Variants in SLC35F1 observed in about 807,000 individuals in gnomAD.
SLC35F1 encodes solute carrier family 35 member F1.
In SLC35F1, 14 loss-of-function variants were observed where a neutral mutation model predicts 48.7. That is an observed-to-expected ratio of 0.29 (90% CI 0.19 to 0.45). The LOEUF is 0.45. Among genes scored for constraint, SLC35F1 ranks in the 20% least tolerant of loss-of-function variants. The pLI, the probability that SLC35F1 is intolerant of heterozygous loss-of-function variation, is 1.00. For missense variants in SLC35F1, 404 were observed against 500.0 expected (o/e 0.81, Z 1.83); for synonymous variants, 190 against 202.2 (o/e 0.94, Z 0.51).
Position 117,907,587 on chromosome 6 carries a change from C to T in SLC35F1, c.-140C>T, listed in dbSNP as rs1225616498. On this transcript the variant is annotated 5_prime_UTR_variant, in exon 1 of 8. Transcript: ENST00000360388. ...GCGGCCGTAGCCGCGGGTGCCTCCC[C>T]GCCTCACCGCTTCGCAGGCAGCACC... The T allele has an allele frequency of 6.7e-5, 30 of 447,610 alleles. 1 individual carries two copies. In the East Asian group the frequency reaches 7.8e-4, roughly 12 times the overall value. The allele number at this position is 447,610 out of a possible 1,614,324, so 27.7% of individuals were successfully genotyped here. A position where few individuals can be genotyped will look rare whatever the true frequency, so the allele number is the denominator to read the frequency against.
chr6:118,302,926 A>C (rs1481109979), intron 7 of SLC35F1, among the ~76,000 whole-genome samples: 2 of 151,648 alleles, frequency 1.3e-5, no homozygotes, highest in African/African-American at 4.8e-5. Context: ...TGAATATTGA[A>C]GGCTATTTGC....
Position 117,925,908 on chromosome 6 carries a change from G to T in SLC35F1, c.173+18009G>T, listed in dbSNP as rs570691265. The stretch of plus-strand genomic sequence containing the variant: ...AGGAGCTTGAAGTACTGGGTGAAAG[G>T]CCCCCACTCCATGTCATCATCCATT... On this transcript the variant is annotated intron_variant, in intron 1 of 7. Coordinates refer to ENST00000360388, the MANE Select transcript of SLC35F1 (RefSeq NM_001029858.4). 2.0e-5 allele frequency among the ~76,000 whole-genome samples: 3 copies of T among 152,196 alleles called. No individual in the cohort carries two copies. The East Asian group carries it at 5.8e-4, about 29-fold the overall frequency.
At chr6:118,147,246 C>T (rs79547626) in intron 1 of SLC35F1, among the ~76,000 whole-genome samples, 2,750 of 152,248 alleles carry the variant, frequency 0.018, 102 homozygotes, top group African/African-American at 0.063. Flanking sequence ...TTCCCCTGCA[C>T]GTTCCAGTTG....
At chr6:118,021,797 G>A (rs150338472) in intron 1 of SLC35F1, among the ~76,000 whole-genome samples, 3 of 152,272 alleles carry the variant, frequency 2.0e-5, no homozygotes, top group African/African-American at 4.8e-5. Flanking sequence ...GGTCTCACAG[G>A]GGGCCACTCG....
At chr6:118,234,020 G>A (rs1775330884) in intron 2 of SLC35F1, among the ~76,000 whole-genome samples, 2 of 152,148 alleles carry the variant, frequency 1.3e-5, no homozygotes, top group African/African-American at 4.8e-5. Context: ...TCATAGGGTT[G>A]GAAAGACCAC....
chr6:117,999,070 T>C, intron 1 of SLC35F1: 1 of 1,530,844 alleles, frequency 6.5e-7, no homozygotes, highest in Non-Finnish European at 9.0e-7. Flanking sequence ...ACGAATCTCT[T>C]AAGGGGGTGG....
At chr6:117,936,746 C>T (rs1213788786) in intron 1 of SLC35F1, among the ~76,000 whole-genome samples, 1 of 151,688 alleles carries the variant, frequency 6.6e-6, no homozygotes, top group Non-Finnish European at 1.5e-5. Flanking sequence ...AATTACAGTT[C>T]TTTTAAAAAA....
At chr6:118,171,306 C>T (rs1415266756) in intron 2 of SLC35F1, among the ~76,000 whole-genome samples, 1 of 152,168 alleles carries the variant, frequency 6.6e-6, no homozygotes, top group East Asian at 1.9e-4. Flanking sequence ...GCTGGGATTG[C>T]AGGTGTGAGC....
At chr6:118,108,000 C>G (rs940993479) in intron 1 of SLC35F1, among the ~76,000 whole-genome samples, 2 of 152,058 alleles carry the variant, frequency 1.3e-5, no homozygotes, top group Admixed American at 6.6e-5. Flanking sequence ...AGATCCTACT[C>G]AGAGGTGCCA....
chr6:118,227,563 C>G (rs952588101), intron 2 of SLC35F1, among the ~76,000 whole-genome samples: 4 of 152,110 alleles, frequency 2.6e-5, no homozygotes, highest in Non-Finnish European at 5.9e-5. Flanking sequence ...AATACCAGAA[C>G]CTTATGCAAT....
rs569787626 is a variant in SLC35F1, at chr6:118,049,650, C to G, written c.174-104795C>G. Among the ~76,000 whole-genome samples the G allele has an allele frequency of 3.1e-3, 477 of 151,818 alleles. 1 individual carries two copies. Among genetic ancestry groups the G allele is most frequent in the African/African-American group, 0.011 (447 of 41,288 alleles). ...CACTGGCCATCAGAGAAATGCAAAT[C>G]AAAACCACAATGAGACACCATCTCA... is the stretch of plus-strand genomic sequence containing the variant. On this transcript the variant is annotated intron_variant, in intron 1 of 7. Coordinates refer to ENST00000360388, the MANE Select transcript of SLC35F1 (RefSeq NM_001029858.4).
At chr6:118,112,779 A>C (rs1773426887) in intron 1 of SLC35F1, among the ~76,000 whole-genome samples, 1 of 152,186 alleles carries the variant, frequency 6.6e-6, no homozygotes, top group African/African-American at 2.4e-5. Flanking sequence ...AAAACCGAAG[A>C]AGCCAGAAAA....
chr6:118,166,614 A>G (rs1232838127), intron 2 of SLC35F1, among the ~76,000 whole-genome samples: 3 of 152,188 alleles, frequency 2.0e-5, no homozygotes, highest in Non-Finnish European at 4.4e-5. Flanking sequence ...TTGGTAAGTA[A>G]CTTCTTTTCA....
intron 1 of SLC35F1, among the ~76,000 whole-genome samples, chr6:118,050,200 C>A (rs927389066): frequency 2.0e-5 from 3 of 151,810 alleles, no homozygotes; most frequent in African/African-American, 4.8e-5. Flanking sequence ...GAACATCACA[C>A]TCCAGGGACT....
chr6:117,942,650 A>G (rs1008369999), intron 1 of SLC35F1, among the ~76,000 whole-genome samples: 2 of 152,188 alleles, frequency 1.3e-5, no homozygotes, highest in African/African-American at 4.8e-5. Flanking sequence ...CTGTTATTGA[A>G]ATTGCTGTTT....
At chr6:117,930,973 C>T (rs1015593078) in intron 1 of SLC35F1, among the ~76,000 whole-genome samples, 2 of 152,186 alleles carry the variant, frequency 1.3e-5, no homozygotes, top group African/African-American at 4.8e-5. Context: ...GAGTCCTTTA[C>T]CTTTTACCCT....
chr6:118,268,662 T>G (rs1310095060), intron 4 of SLC35F1, among the ~76,000 whole-genome samples: 2 of 139,206 alleles, frequency 1.4e-5, no homozygotes, highest in African/African-American at 5.4e-5. Flanking sequence ...CAGGCTGGAG[T>G]GCAGTGGCGT....
At chr6:118,122,318 G>A (rs1012974315) in intron 1 of SLC35F1, among the ~76,000 whole-genome samples, 2 of 151,832 alleles carry the variant, frequency 1.3e-5, no homozygotes, top group Non-Finnish European at 2.9e-5. Flanking sequence ...CAGCTCAGCT[G>A]TGGTGAACCT....
intron 7 of SLC35F1, among the ~76,000 whole-genome samples, chr6:118,303,817 C>G (rs1206844013): frequency 1.3e-5 from 2 of 152,142 alleles, no homozygotes; most frequent in South Asian, 2.1e-4. Flanking sequence ...GGACCATGGT[C>G]CCACCCTTAT....
Sources: gnomAD v4.1 joint callset for allele counts (sites outside exome capture counted in the v4.1 genomes callset) on GRCh38, gnomAD v4.1.1 for gene constraint, MANE v1.5 for transcripts, NCBI Gene and HGNC (gene_info 2026-07-23, HGNC 2026-07-21) for gene names.